Variants in LSAMP observed in about 807,000 individuals in gnomAD.
LSAMP encodes limbic system associated membrane protein, also known as limbic system-associated membrane protein.
Under a neutral mutation model 38.6 loss-of-function variants are expected in LSAMP, and 7 were observed. That is an observed-to-expected ratio of 0.18 (90% CI 0.10 to 0.34). The LOEUF (loss-of-function observed/expected upper bound fraction) is 0.34. LSAMP is among the 10% of genes least tolerant of loss of function. The probability of loss-of-function intolerance (pLI) is 1.00; values close to 1 mark genes in which losing one functional copy is unlikely to be tolerated. For missense variants in LSAMP, 313 were observed against 420.0 expected, an observed-to-expected ratio of 0.75 and a Z score of 2.23; for synonymous variants, 154 against 166.8, an observed-to-expected ratio of 0.92 and a Z score of 0.59.
chr3:116,259,328 A>G (rs957919933), intron 1 of LSAMP, among the ~76,000 whole-genome samples: 3 of 152,164 alleles, frequency 2.0e-5, no homozygotes, highest in South Asian at 2.1e-4. Flanking sequence ...AAACACTCAT[A>G]TAAAATATGG....
At chr3:116,146,424 T>G (rs557385000) in intron 1 of LSAMP, among the ~76,000 whole-genome samples, 2 of 152,062 alleles carry the variant, frequency 1.3e-5, no homozygotes, top group Admixed American at 1.3e-4. Flanking sequence ...GAGACATGGC[T>G]TAGCAGCTGC....
chr3:115,979,361 G>A (rs936230830), intron 3 of LSAMP, among the ~76,000 whole-genome samples: 3 of 152,082 alleles, frequency 2.0e-5, no homozygotes, highest in Non-Finnish European at 2.9e-5. Flanking sequence ...ATGGAAGGAC[G>A]TGAGAAGAAC....
intron 1 of LSAMP, among the ~76,000 whole-genome samples, chr3:116,444,292 A>G (rs2049473050): frequency 1.3e-5 from 2 of 151,962 alleles, no homozygotes; most frequent in African/African-American, 4.8e-5. Flanking sequence ...CTCCATGTCA[A>G]TTAGAAGATC....
chr3:116,292,217 C>T (rs1407624407), intron 1 of LSAMP, among the ~76,000 whole-genome samples: 2 of 152,140 alleles, frequency 1.3e-5, no homozygotes, highest in Admixed American at 6.5e-5. Context: ...TGACAAGGCT[C>T]CTAATCTCCT....
At chr3:116,353,801 G>A (rs535920012) in intron 1 of LSAMP, among the ~76,000 whole-genome samples, 92 of 152,170 alleles carry the variant, frequency 6.0e-4, no homozygotes, top group Admixed American at 1.4e-3. Context: ...ATATGAGCAC[G>A]TTGACACAAA....
chr3:116,269,969 G>A (rs2046948358), intron 1 of LSAMP, among the ~76,000 whole-genome samples: 1 of 152,094 alleles, frequency 6.6e-6, no homozygotes, highest in African/African-American at 2.4e-5. Flanking sequence ...GCCCATGGGG[G>A]CATTCTATTT....
At chr3:116,044,437 A>G (rs1029309889) in intron 2 of LSAMP, among the ~76,000 whole-genome samples, 1 of 152,092 alleles carries the variant, frequency 6.6e-6, no homozygotes, top group Non-Finnish European at 1.5e-5. Context: ...CGTCTCTGCA[A>G]GGGACTCTGG....
intron 1 of LSAMP, among the ~76,000 whole-genome samples, chr3:116,272,472 T>TAATA (rs2046987313): frequency 6.6e-6 from 1 of 152,172 alleles, no homozygotes; most frequent in Admixed American, 6.5e-5. Flanking sequence ...AGTAGCAGTT[T>TAATA]AATACAACTA....
chr3:116,088,966 G>T (rs377542053), intron 1 of LSAMP, among the ~76,000 whole-genome samples: 1 of 152,058 alleles, frequency 6.6e-6, no homozygotes, highest in Non-Finnish European at 1.5e-5. Context: ...TATATTCCAC[G>T]TCCCCATCCC....
chr3:115,816,332 A>C (rs1463675132), intron 6 of LSAMP, among the ~76,000 whole-genome samples: 1 of 152,200 alleles, frequency 6.6e-6, no homozygotes, highest in South Asian at 2.1e-4. Flanking sequence ...ATGAATACTT[A>C]AGAAAGGGAA....
At chr3:116,170,598 T>A (rs570141508) in intron 1 of LSAMP, among the ~76,000 whole-genome samples, 25 of 152,274 alleles carry the variant, frequency 1.6e-4, no homozygotes, top group African/African-American at 5.8e-4. Context: ...TTGTGGCGAA[T>A]TAGTTAACTT....
At chr3:116,431,385 C>CGCTATACTTTGTTCCCAGGGAACAT (rs2049279681) in intron 1 of LSAMP, among the ~76,000 whole-genome samples, 1 of 151,912 alleles carries the variant, frequency 6.6e-6, no homozygotes, top group African/African-American at 2.4e-5. Context: ...CCAGGGAACA[C>CGCTATACTTTGTTCCCAGGGAACAT]ATGTTGGCTT....
chr3:116,057,471 A>T (rs1941510238), intron 2 of LSAMP, among the ~76,000 whole-genome samples: 1 of 152,200 alleles, frequency 6.6e-6, no homozygotes, highest in Admixed American at 6.5e-5. Flanking sequence ...CTAGTCAATC[A>T]GATTACTATG....
At position 115,809,315 on chromosome 3, in the gene LSAMP, G is replaced by A. The variant is rs917680846; in HGVS notation, c.*1002C>T. 6.6e-6 allele frequency: 1 copy of A among 152,174 alleles called. No individual in the cohort carries two copies. The highest frequency in any genetic ancestry group is 2.4e-5 in the African/African-American group (1 of 41,406). 9.4% of individuals were successfully genotyped at this position (152,174 alleles called of 1,614,324 possible). ...TGATGATGGGACTAGGAGGAATATG[G>A]GGTCCTGCCCTTGGAAGGAGCATAG... On this transcript the variant is annotated 3_prime_UTR_variant, in exon 7 of 7. Transcript: ENST00000490035.
At chr3:116,423,501 A>G (rs902353598) in intron 1 of LSAMP, among the ~76,000 whole-genome samples, 10 of 152,180 alleles carry the variant, frequency 6.6e-5, no homozygotes, top group Non-Finnish European at 8.8e-5. Context: ...GGGATAGAGA[A>G]AGCTTTATTG....
intron 1 of LSAMP, among the ~76,000 whole-genome samples, chr3:116,297,608 AT>A (rs2047353333): frequency 6.6e-6 from 1 of 152,148 alleles, no homozygotes. Flanking sequence ...ACCATCCTAC[AT>A]TTCAATCCAT....
chr3:116,227,021 T>C (rs1274645116), intron 1 of LSAMP, among the ~76,000 whole-genome samples: 1 of 152,226 alleles, frequency 6.6e-6, no homozygotes, highest in East Asian at 1.9e-4. Context: ...AGGTGTTTTT[T>C]TTTCCTGAAA....
At position 115,820,984 on chromosome 3, in the gene LSAMP, A is replaced by G. The variant is rs535936897; in HGVS notation, c.920-10570T>C. Among the ~76,000 whole-genome samples the G allele has an allele frequency of 1.4e-4, 21 of 152,290 alleles. 1 individual carries two copies. The South Asian group carries it at 4.1e-3, about 30-fold the overall frequency. ...GGAGGGCTGAGCTTTATTTTAAAAC[A>G]CCTTCCTGACTAATAAAAATGTGAA... On this transcript the variant is annotated intron_variant, in intron 6 of 6. Coordinates refer to ENST00000490035, the MANE Select transcript of LSAMP (RefSeq NM_002338.5).
intron 1 of LSAMP, among the ~76,000 whole-genome samples, chr3:116,289,206 G>C (rs542395723): frequency 1.2e-4 from 18 of 152,316 alleles, no homozygotes; most frequent in African/African-American, 3.6e-4. Context: ...GTATGTCTCT[G>C]AGATATAAAT....
Sources: gnomAD v4.1 joint callset for allele counts (sites outside exome capture counted in the v4.1 genomes callset) on GRCh38, gnomAD v4.1.1 for gene constraint, MANE v1.5 for transcripts, NCBI Gene and HGNC (gene_info 2026-07-23, HGNC 2026-07-21) for gene names.